Variants in ARSB observed in about 807,000 individuals in gnomAD.
ARSB encodes N-acetylgalactosamine-4-sulfatase.
In ARSB, 41 loss-of-function variants were observed where a neutral mutation model predicts 50.9. That is an observed-to-expected ratio of 0.81 (90% CI 0.63 to 1.04). The LOEUF (loss-of-function observed/expected upper bound fraction) is 1.04. Among genes scored for constraint, ARSB ranks in the 50% least tolerant of loss-of-function variants. The pLI, the probability that ARSB is intolerant of heterozygous loss-of-function variation, is 0.00. For missense variants in ARSB, 672 were observed against 693.3 expected (o/e 0.97, Z 0.35); for synonymous variants, 269 against 284.8 (o/e 0.94, Z 0.56).
intron 4 of ARSB, among the ~76,000 whole-genome samples, chr5:78,914,667 G>A (rs1487157671): frequency 9.9e-5 from 15 of 152,058 alleles, no homozygotes; most frequent in African/African-American, 2.9e-4. Flanking sequence ...CTCATTATTC[G>A]TTTTATTTCA....
At chr5:78,828,777 A>G (rs953500782) in intron 6 of ARSB, among the ~76,000 whole-genome samples, 9 of 152,012 alleles carry the variant, frequency 5.9e-5, no homozygotes, top group African/African-American at 2.2e-4. Flanking sequence ...AATCCCCAGG[A>G]CCTGTGAATA....
chr5:78,791,972 A>C (rs1049922984), intron 6 of ARSB, among the ~76,000 whole-genome samples: 7 of 152,164 alleles, frequency 4.6e-5, no homozygotes, highest in African/African-American at 9.7e-5. Context: ...CACTGGAAGA[A>C]GAAGAATTGT....
At chr5:78,923,834 T>G (rs957966867) in intron 4 of ARSB, among the ~76,000 whole-genome samples, 1 of 152,236 alleles carries the variant, frequency 6.6e-6, no homozygotes, top group African/African-American at 2.4e-5. Flanking sequence ...CAGCTTCATG[T>G]TGAGTCTACA....
intron 4 of ARSB, among the ~76,000 whole-genome samples, chr5:78,938,741 A>T (rs1174111127): frequency 1.3e-5 from 2 of 152,232 alleles, no homozygotes; most frequent in Admixed American, 1.3e-4. Context: ...AAGGGACGTA[A>T]GATTTAGAGG....
At chr5:78,796,448 A>G (rs544404841) in intron 6 of ARSB, among the ~76,000 whole-genome samples, 19 of 152,396 alleles carry the variant, frequency 1.2e-4, no homozygotes, top group African/African-American at 4.3e-4. Flanking sequence ...GAAGAGCCCT[A>G]TGGATAGGCC....
At chr5:78,860,864 G>A (rs181890980) in intron 5 of ARSB, among the ~76,000 whole-genome samples, 2,299 of 150,568 alleles carry the variant, frequency 0.015, 57 homozygotes, top group African/African-American at 0.055. Flanking sequence ...TAGACCACTA[G>A]CAAGACTAAT....
rs1329153993 is a variant in ARSB at position 78,871,816 on chromosome 5, G to A, written c.1142+13768C>T. On this transcript the variant is annotated intron_variant, in intron 5 of 7. Coordinates refer to ENST00000264914, the MANE Select transcript of ARSB (RefSeq NM_000046.5). The stretch of plus-strand genomic sequence containing the variant: ...GCAACAAAAGCCAAAATTGACAAAT[G>A]GGATCTAATTAAACTAAAGAGCTTC... Among the ~76,000 whole-genome samples, 12 of 131,374 alleles carry A rather than the reference G, an allele frequency of 9.1e-5. 1 individual carries two copies. In the South Asian group the frequency reaches 2.3e-3, roughly 25 times the overall value. The allele number at this position is 131,374 out of a possible 152,430, so 86.2% of individuals were successfully genotyped here. A position where few individuals can be genotyped will look rare whatever the true frequency, so the allele number is the denominator to read the frequency against.
intron 5 of ARSB, among the ~76,000 whole-genome samples, chr5:78,860,581 T>C (rs1020063267): frequency 3.3e-5 from 5 of 152,088 alleles, no homozygotes; most frequent in Admixed American, 1.3e-4. Context: ...AGACACAACA[T>C]ACCAGAACCT....
rs184284729 is a variant in ARSB, at chr5:78,937,284, G to A, written c.898+18011C>T. Among the ~76,000 whole-genome samples, 239 of 102,720 alleles carry A rather than the reference G, an allele frequency of 2.3e-3. 1 individual carries two copies. Among genetic ancestry groups the A allele is most frequent in the African/African-American group, 7.7e-3 (229 of 29,748 alleles). The allele number at this position is 102,720 out of a possible 152,430, so 67.4% of individuals were successfully genotyped here. On this transcript the variant is annotated intron_variant, in intron 4 of 7. Transcript: ENST00000264914. Reference sequence around the variant, plus strand: ...ATATATATCTTACATATATATGTAAGATATATATATGTAAGATATATATAT... The same window carrying A: ...ATATATATCTTACATATATATGTAAAATATATATATGTAAGATATATATAT...
chr5:78,817,525 T>A (rs186018562), intron 6 of ARSB, among the ~76,000 whole-genome samples: 1 of 152,154 alleles, frequency 6.6e-6, no homozygotes, highest in East Asian at 1.9e-4. Flanking sequence ...AGATCTCTGA[T>A]AGGCCGGGCG....
At chr5:78,944,349 G>C (rs979142028) in intron 4 of ARSB, among the ~76,000 whole-genome samples, 1 of 152,148 alleles carries the variant, frequency 6.6e-6, no homozygotes, top group African/African-American at 2.4e-5. Flanking sequence ...AGGAGGAGAG[G>C]CACTCTGATT....
At position 78,952,368 on chromosome 5, in the gene ARSB, G is replaced by A. The variant is rs534814802; in HGVS notation, c.898+2927C>T. 7.3e-5 allele frequency among the ~76,000 whole-genome samples: 11 copies of A among 151,388 alleles called. No individual in the cohort carries two copies. In the East Asian group the frequency reaches 1.6e-3, roughly 21 times the overall value. On this transcript the variant is annotated intron_variant, in intron 4 of 7. Coordinates refer to ENST00000264914, the MANE Select transcript of ARSB (RefSeq NM_000046.5). Reference sequence around the variant, plus strand: ...TTTCTTTCTTTTGAAACAAGGTCTCGCTCTGTTACCCAGGCTGGAGTACAG... The same window carrying A: ...TTTCTTTCTTTTGAAACAAGGTCTCACTCTGTTACCCAGGCTGGAGTACAG...
At chr5:78,860,304 C>G (rs552747009) in intron 5 of ARSB, among the ~76,000 whole-genome samples, 1 of 152,246 alleles carries the variant, frequency 6.6e-6, no homozygotes, top group Non-Finnish European at 1.5e-5. Context: ...AATCTGGGTG[C>G]TCCTGTATTG....
chr5:78,865,204 G>C (rs1746660295), intron 5 of ARSB, among the ~76,000 whole-genome samples: 1 of 152,144 alleles, frequency 6.6e-6, no homozygotes, highest in Non-Finnish European at 1.5e-5. Context: ...GCAAACTCTT[G>C]CCTGGGCATC....
chr5:78,895,014 G>A (rs900970127), intron 4 of ARSB, among the ~76,000 whole-genome samples: 10 of 152,170 alleles, frequency 6.6e-5, no homozygotes, highest in Non-Finnish European at 1.5e-4. Context: ...GAACAGCCAA[G>A]GGCCAGGATA....
Position 78,955,379 on chromosome 5 carries a change from G to A in ARSB, c.814C>T (p.Leu272Phe), listed in dbSNP as rs1442535742. The stretch of plus-strand genomic sequence containing the variant: ...ACATTTCCTACTGCTTCATCCATAA[G>A]GGACACCATTCCTGCATAGTGATGC... The part of the protein sequence containing the change: ...NRHHYAGMVS[L>F]MDEAVGNVTA... Residue 272 changes from leucine to phenylalanine, a missense_variant, in exon 4 of 8, where the codon CTT becomes TTT. Transcript: ENST00000264914. The A allele has an allele frequency of 1.2e-6, 2 of 1,614,146 alleles. No homozygotes were observed. The highest frequency in any genetic ancestry group is 4.5e-5 in the East Asian group (2 of 44,870).
chr5:78,805,656 TAATA>T (rs1743531373), intron 6 of ARSB, among the ~76,000 whole-genome samples: 1 of 152,146 alleles, frequency 6.6e-6, no homozygotes. Flanking sequence ...GGAGGAATGA[TAATA>T]AACATATGGT....
At chr5:78,841,184 T>TAA (rs1554074368) in intron 5 of ARSB, among the ~76,000 whole-genome samples, 2 of 150,690 alleles carry the variant, frequency 1.3e-5, no homozygotes, top group South Asian at 2.1e-4. Flanking sequence ...ATAATAATAA[T>TAA]TTGAGCATGG....
intron 5 of ARSB, among the ~76,000 whole-genome samples, chr5:78,857,348 C>T (rs1746199721): frequency 6.6e-6 from 1 of 152,094 alleles, no homozygotes; most frequent in Non-Finnish European, 1.5e-5. Flanking sequence ...TTAAAAAATA[C>T]ATATTGCAAT....
Sources: gnomAD v4.1 joint callset for allele counts (sites outside exome capture counted in the v4.1 genomes callset) on GRCh38, gnomAD v4.1.1 for gene constraint, MANE v1.5 for transcripts, NCBI Gene and HGNC (gene_info 2026-07-23, HGNC 2026-07-21) for gene names.